The following SUSD5 variants were observed in gnomAD, a reference collection of about 807,000 sequenced individuals.
SUSD5 encodes the protein sushi domain-containing protein 5.
Under a neutral mutation model 29.5 loss-of-function variants are expected in SUSD5, and 33 were observed. That is an observed-to-expected ratio of 1.12 (90% CI 0.85 to 1.49). The LOEUF (loss-of-function observed/expected upper bound fraction) is 1.49. Ranked by LOEUF, SUSD5 falls within the 40% of genes most tolerant of loss-of-function variation. SUSD5 has a pLI of 0.00. For synonymous variants in SUSD5, 308 were observed against 325.3 expected (o/e 0.95, Z 0.57); for missense variants, 776 against 800.6 (o/e 0.97, Z 0.37).
intron 3 of SUSD5, among the ~76,000 whole-genome samples, chr3:33,178,004 T>C (rs2031587519): frequency 6.6e-6 from 1 of 151,616 alleles, no homozygotes; most frequent in Non-Finnish European, 1.5e-5. Flanking sequence ...TCCAGTACAA[T>C]GCTGAAAAGC....
chr3:33,203,699 T>C (rs747358389), intron 3 of SUSD5, among the ~76,000 whole-genome samples: 10 of 152,190 alleles, frequency 6.6e-5, no homozygotes, highest in Non-Finnish European at 1.0e-4. Flanking sequence ...ACGACCTAGA[T>C]ACTCTGCCTC....
At chr3:33,168,444 G>T in intron 4 of SUSD5, 1 of 887,656 alleles carries the variant, frequency 1.1e-6, no homozygotes. Flanking sequence ...AAAAGATGGA[G>T]AAAAACAGAA....
Position 33,207,899 on chromosome 3 carries a change from T to C in SUSD5, c.318A>G (p.Gly106=). ...LGTTVCSKGS[G]EQQIMRAVDV... ...CGACAGCTCTCATGATTTGCTGTTCTCCACTTCCTTTGCTACACACAGTTG... is the reference window on the plus strand; with the variant it reads ...CGACAGCTCTCATGATTTGCTGTTCCCCACTTCCTTTGCTACACACAGTTG... The change falls in exon 3 of 5, where the codon GGA becomes GGG. Residue 106 remains glycine (G), a synonymous_variant. Transcript: ENST00000309558. 1 of 1,613,922 alleles carries C rather than the reference T, an allele frequency of 6.2e-7. No individual in the cohort carries two copies.
At chr3:33,190,494 T>C (rs2031868937) in intron 3 of SUSD5, among the ~76,000 whole-genome samples, 1 of 152,276 alleles carries the variant, frequency 6.6e-6, no homozygotes, top group South Asian at 2.1e-4. Flanking sequence ...TAAAAATTTA[T>C]TGTAAATGAC....
intron 4 of SUSD5, among the ~76,000 whole-genome samples, chr3:33,157,692 C>T (rs183725187): frequency 1.2e-4 from 19 of 152,274 alleles, no homozygotes; most frequent in Admixed American, 5.9e-4. Flanking sequence ...ACCTACTGAA[C>T]GCAATGAAAG....
intron 4 of SUSD5, among the ~76,000 whole-genome samples, chr3:33,169,406 C>G (rs60995467): frequency 2.0e-5 from 3 of 151,654 alleles, no homozygotes; most frequent in Admixed American, 2.0e-4. Context: ...TATTTAGTAG[C>G]GACGGGGTTT....
chr3:33,161,922 TAACA>T (rs941420619), intron 4 of SUSD5, among the ~76,000 whole-genome samples: 3 of 152,130 alleles, frequency 2.0e-5, no homozygotes, highest in Non-Finnish European at 4.4e-5. Flanking sequence ...TTAATAATTA[TAACA>T]AATAGAAAAA....
intron 2 of SUSD5, 82 bp from the exon 3 acceptor site, chr3:33,208,008 C>A: frequency 3.0e-6 from 3 of 1,005,534 alleles, no homozygotes; most frequent in Non-Finnish European, 3.0e-6. Flanking sequence ...GCTGTCAGCT[C>A]CGAATCAGCA....
At chr3:33,198,503 A>C (rs2032040084) in intron 3 of SUSD5, among the ~76,000 whole-genome samples, 1 of 152,218 alleles carries the variant, frequency 6.6e-6, no homozygotes, top group South Asian at 2.1e-4. Context: ...TTCCTGATCT[A>C]CTGGACTGCA....
At chr3:33,200,931 T>C (rs1187381354) in intron 3 of SUSD5, among the ~76,000 whole-genome samples, 1 of 152,208 alleles carries the variant, frequency 6.6e-6, no homozygotes, top group Non-Finnish European at 1.5e-5. Flanking sequence ...GGCTCCTTTA[T>C]TGTTGCTTAC....
chr3:33,173,727 T>C (rs2031485537), intron 4 of SUSD5, among the ~76,000 whole-genome samples: 1 of 152,198 alleles, frequency 6.6e-6, no homozygotes, highest in African/African-American at 2.4e-5. Flanking sequence ...CTCTGCTTGG[T>C]ACCTAGATGT....
At chr3:33,186,970 G>A (rs995886370) in intron 3 of SUSD5, among the ~76,000 whole-genome samples, 2 of 152,192 alleles carry the variant, frequency 1.3e-5, no homozygotes, top group Non-Finnish European at 2.9e-5. Flanking sequence ...CGCAGGGTGA[G>A]TAGGGGAGAA....
intron 3 of SUSD5, among the ~76,000 whole-genome samples, chr3:33,191,286 C>T (rs1052092014): frequency 1.3e-5 from 2 of 152,004 alleles, no homozygotes; most frequent in Non-Finnish European, 2.9e-5. Flanking sequence ...CCTGCCACCA[C>T]GCCTGGCTAA....
At chr3:33,192,078 T>C (rs1239484113) in intron 3 of SUSD5, among the ~76,000 whole-genome samples, 1 of 131,894 alleles carries the variant, frequency 7.6e-6, no homozygotes, top group African/African-American at 2.6e-5. Flanking sequence ...TTAATGCGCA[T>C]ATTTTTTTTT....
Position 33,153,853 on chromosome 3 carries a change from A to G in SUSD5, c.779T>C (p.Ile260Thr). Residue 260 changes from isoleucine (I) to threonine (T), a missense_variant, in exon 5 of 5, where the codon ATA becomes ACA. Physicochemically the swap from Ile to Thr is moderately conservative, Grantham distance 89. Transcript: ENST00000309558. ...TGGCACAAAGACTTTATCCCGGGCT[A>G]TGTTTTCTCTCCCCACAGAAATGGA... ...LVSISVGREN[I>T]ARDKVFVPTT... 4 of 1,613,876 alleles carry G rather than the reference A, an allele frequency of 2.5e-6. No individual in the cohort carries two copies. Among genetic ancestry groups the G allele is most frequent in the East Asian group, 2.2e-5 (1 of 44,866 alleles).
intron 3 of SUSD5, among the ~76,000 whole-genome samples, chr3:33,192,534 T>G (rs897557586): frequency 6.6e-6 from 1 of 151,862 alleles, no homozygotes; most frequent in African/African-American, 2.4e-5. Flanking sequence ...TAATCCAGGC[T>G]AGGTGGTTTA....
chr3:33,182,815 C>G (rs1195103153), intron 3 of SUSD5, among the ~76,000 whole-genome samples: 1 of 152,140 alleles, frequency 6.6e-6, no homozygotes, highest in Non-Finnish European at 1.5e-5. Flanking sequence ...GAGACGGAGT[C>G]TTGCTCTGTC....
At chr3:33,166,232 A>C (rs1172260208) in intron 4 of SUSD5, among the ~76,000 whole-genome samples, 1 of 152,198 alleles carries the variant, frequency 6.6e-6, no homozygotes, top group Non-Finnish European at 1.5e-5. Context: ...TTTGCTAATT[A>C]ATACCCTGAA....
chr3:33,161,089 T>C (rs1448540583), intron 4 of SUSD5, among the ~76,000 whole-genome samples: 1 of 152,184 alleles, frequency 6.6e-6, no homozygotes, highest in Non-Finnish European at 1.5e-5. Flanking sequence ...GAAAATGTCA[T>C]AGATGGAAGC....
Sources: allele counts gnomAD v4.1 joint callset (sites outside exome capture counted in the v4.1 genomes callset), GRCh38; gene constraint gnomAD v4.1.1; transcripts MANE v1.5; gene names NCBI Gene and HGNC (gene_info 2026-07-23, HGNC 2026-07-21).